Variants in NTRK2 observed in about 807,000 individuals in gnomAD.
The protein encoded by NTRK2 is BDNF/NT-3 growth factors receptor.
In NTRK2, 13 loss-of-function variants were observed where a neutral mutation model predicts 94.5. The ratio of observed to expected loss-of-function variants is 0.14; its 90% confidence interval spans 0.09 to 0.22. The LOEUF (loss-of-function observed/expected upper bound fraction) is 0.22, where lower values mean the gene tolerates loss of function less well. Ranked by LOEUF, NTRK2 falls within the 10% of genes least tolerant of loss-of-function variation. The probability of loss-of-function intolerance (pLI) is 1.00; values close to 1 mark genes in which losing one functional copy is unlikely to be tolerated. For missense variants in NTRK2, 639 were observed against 1,071.2 expected (o/e 0.60, Z 5.63); for synonymous variants, 372 against 407.4 (o/e 0.91, Z 1.05).
At chr9:84,983,411 G>C (rs1414473999) in intron 17 of NTRK2, among the ~76,000 whole-genome samples, 4 of 152,132 alleles carry the variant, frequency 2.6e-5, no homozygotes, top group African/African-American at 7.2e-5. Context: ...CTTCCTCTTT[G>C]GGAATTCAGG....
At chr9:84,717,988 C>CCTCCTT (rs528889052) in intron 6 of NTRK2, among the ~76,000 whole-genome samples, 216 of 151,946 alleles carry the variant, frequency 1.4e-3, no homozygotes, top group African/African-American at 5.0e-3. Context: ...TCTTACAGAG[C>CCTCCTT]CTCCTTCTCC....
chr9:85,002,027 G>T (rs1172146280), intron 17 of NTRK2, among the ~76,000 whole-genome samples: 2 of 152,184 alleles, frequency 1.3e-5, no homozygotes, highest in African/African-American at 4.8e-5. Flanking sequence ...ATTCATGACA[G>T]AAAATCTGAT....
At chr9:84,872,919 T>C in intron 14 of NTRK2, 1 of 1,065,304 alleles carries the variant, frequency 9.4e-7, no homozygotes. Context: ...ACTTCGTCCT[T>C]GTCTTACCAA....
At chr9:84,782,780 G>A (rs2067724709) in intron 12 of NTRK2, among the ~76,000 whole-genome samples, 1 of 152,176 alleles carries the variant, frequency 6.6e-6, no homozygotes, top group Non-Finnish European at 1.5e-5. Flanking sequence ...GGTTCAGGCT[G>A]AAGTTGTCTA....
intron 2 of NTRK2, among the ~76,000 whole-genome samples, chr9:84,694,947 G>A (rs1298530570): frequency 6.6e-6 from 1 of 151,510 alleles, no homozygotes; most frequent in Non-Finnish European, 1.5e-5. Context: ...GGAGACCAAG[G>A]CGGGTGGATC....
At chr9:84,771,083 T>C (rs183648187) in intron 12 of NTRK2, among the ~76,000 whole-genome samples, 1 of 152,290 alleles carries the variant, frequency 6.6e-6, no homozygotes, top group East Asian at 1.9e-4. Flanking sequence ...TGATTGAAAA[T>C]AATTTCTAAT....
intron 17 of NTRK2, among the ~76,000 whole-genome samples, chr9:84,962,643 A>C (rs554160354): frequency 1.3e-5 from 2 of 152,200 alleles, no homozygotes; most frequent in African/African-American, 4.8e-5. Context: ...TGGATGGGGC[A>C]GAAGGACTCT....
chr9:84,823,717 GT>G (rs553576674), intron 12 of NTRK2, among the ~76,000 whole-genome samples: 1 of 152,162 alleles, frequency 6.6e-6, no homozygotes, highest in South Asian at 2.1e-4. Context: ...GGAGATCCGG[GT>G]TTTTATGTGA....
intron 17 of NTRK2, among the ~76,000 whole-genome samples, chr9:84,958,120 G>A (rs527475278): frequency 3.9e-5 from 6 of 152,110 alleles, no homozygotes; most frequent in East Asian, 3.9e-4. Flanking sequence ...CTGCTACTGC[G>A]TACAGGGTTT....
chr9:84,946,409 G>A (rs143792729), intron 15 of NTRK2, among the ~76,000 whole-genome samples: 1 of 152,330 alleles, frequency 6.6e-6, no homozygotes, highest in East Asian at 1.9e-4. Context: ...GGCTGGCAAT[G>A]CAGAAATGCA....
At chr9:84,959,267 C>T (rs1824571407) in intron 17 of NTRK2, among the ~76,000 whole-genome samples, 1 of 152,158 alleles carries the variant, frequency 6.6e-6, no homozygotes, top group Admixed American at 6.5e-5. Flanking sequence ...TAATGGGACA[C>T]AGTTGTGTGT....
At position 84,864,399 on chromosome 9, in the gene NTRK2, C is replaced by T. The variant is rs112736284; in HGVS notation, c.1445-2844C>T. On this transcript the variant is annotated intron_variant, in intron 13 of 18. Transcript: ENST00000277120. ...GGGATAAAAGGCTACACATTGGGTA[C>T]GGTGTTGCTGCTTGGGTGATGAATG... 3.8e-3 allele frequency among the ~76,000 whole-genome samples: 575 copies of T among 152,192 alleles called. 2 individuals carry two copies. Among genetic ancestry groups the T allele is most frequent in the African/African-American group, 0.013 (539 of 41,532 alleles).
intron 12 of NTRK2, among the ~76,000 whole-genome samples, chr9:84,832,669 T>G (rs2073628591): frequency 6.6e-6 from 1 of 152,178 alleles, no homozygotes; most frequent in Non-Finnish European, 1.5e-5. Flanking sequence ...TTAACCTAGA[T>G]AGAAAACCCC....
intron 14 of NTRK2, among the ~76,000 whole-genome samples, chr9:84,871,537 C>T (rs1335846762): frequency 6.6e-6 from 1 of 152,168 alleles, no homozygotes; most frequent in Non-Finnish European, 1.5e-5. Flanking sequence ...TCAATACTTG[C>T]ATAGTTTGGC....
intron 14 of NTRK2, chr9:84,875,240 G>A (rs2076019886): frequency 9.4e-7 from 1 of 1,058,788 alleles, no homozygotes; most frequent in Non-Finnish European, 1.1e-6. Context: ...GCTGCACAGT[G>A]TGTAGGAAGC....
chr9:84,982,244 A>G (rs1264796562), intron 17 of NTRK2, among the ~76,000 whole-genome samples: 1 of 152,218 alleles, frequency 6.6e-6, no homozygotes, highest in East Asian at 1.9e-4. Context: ...CCACAAGGGT[A>G]CATGTCAGGC....
rs1193518537 is a variant in NTRK2, at chr9:85,025,543, G to A, written c.*4106G>A. On this transcript the variant is annotated 3_prime_UTR_variant, in exon 19 of 19. Coordinates refer to ENST00000277120, the MANE Select transcript of NTRK2 (RefSeq NM_006180.6). ...CCTTTTCAAAGCGTCCTAACAGCAG[G>A]ATTACCTGGTCAAGTATGGACTTTC... 2 of 233,104 alleles carry A rather than the reference G, an allele frequency of 8.6e-6. No individual in the cohort carries two copies. Among genetic ancestry groups the A allele is most frequent in the Non-Finnish European group, 1.7e-5 (2 of 118,022 alleles). 14.4% of individuals were successfully genotyped at this position (233,104 alleles called of 1,614,324 possible).
At chr9:84,798,227 T>C (rs1162454418) in intron 12 of NTRK2, among the ~76,000 whole-genome samples, 1 of 152,006 alleles carries the variant, frequency 6.6e-6, no homozygotes, top group Non-Finnish European at 1.5e-5. Flanking sequence ...TGTGAGGACA[T>C]TAATTTCATT....
chr9:84,923,832 G>A (rs1048567200), intron 14 of NTRK2, among the ~76,000 whole-genome samples: 7 of 152,142 alleles, frequency 4.6e-5, no homozygotes, highest in South Asian at 2.1e-4. Flanking sequence ...CCCGGGAGGC[G>A]GAGGTCGCAG....
Sources: gnomAD v4.1 joint callset for allele counts (sites outside exome capture counted in the v4.1 genomes callset) on GRCh38, gnomAD v4.1.1 for gene constraint, MANE v1.5 for transcripts, NCBI Gene and HGNC (gene_info 2026-07-23, HGNC 2026-07-21) for gene names.